The following ATM variants were observed in gnomAD, a reference collection of about 807,000 sequenced individuals.
The protein encoded by ATM is serine-protein kinase ATM.
In ATM, 308 loss-of-function variants were observed where a neutral mutation model predicts 387.0. That is an observed-to-expected ratio of 0.80 (90% CI 0.73 to 0.87). The LOEUF (loss-of-function observed/expected upper bound fraction) is 0.87, where lower values mean the gene tolerates loss of function less well. Ranked by LOEUF, ATM falls within the 40% of genes least tolerant of loss-of-function variation. The pLI is 0.00. For missense variants in ATM, 3,312 were observed against 3,560.9 expected, an observed-to-expected ratio of 0.93 and a Z score of 1.78; for synonymous variants, 1,156 against 1,187.3, an observed-to-expected ratio of 0.97 and a Z score of 0.54.
chr11:108,267,350 C>A lies in ATM; in HGVS notation c.2638+8C>A. The stretch of plus-strand genomic sequence containing the variant: ...AGAGCCAAAGTACCATAGGTAAATA[C>A]ATATTTACTACTTGGGATTTCTTTT... On this transcript the variant is annotated splice_region_variant and intron_variant, in intron 17 of 62. Coordinates refer to ENST00000675843, the MANE Select transcript of ATM (RefSeq NM_000051.4). The A allele has an allele frequency of 6.2e-7, 1 of 1,612,550 alleles. No individual in the cohort carries two copies. The highest frequency in any genetic ancestry group is 1.7e-5 in the Admixed American group (1 of 60,004).
rs878853486 is a variant in ATM at position 108,251,871 on chromosome 11, A to G, written c.1642A>G (p.Thr548Ala). Residue 548 changes from threonine to alanine, a missense_variant, in exon 11 of 63, where the codon ACC becomes GCC. This residue lies in a region of ATM where 1,791 missense variants were observed against 1,804.5 expected (regional missense o/e 0.99). Coordinates refer to ENST00000675843, the MANE Select transcript of ATM (RefSeq NM_000051.4). ...AVCCLTLALT[T>A]SIVPGTVKMG... is the part of the protein sequence containing the mutation. ...ATGCTGTTTGACTTTGGCACTGACC[A>G]CCAGTATAGTTCCAGGAACGGTAAA... is the stretch of plus-strand genomic sequence containing the variant. 3.7e-6 allele frequency: 6 copies of G among 1,613,910 alleles called. No individual in the cohort carries two copies. Among genetic ancestry groups the G allele is most frequent in the Non-Finnish European group, 4.2e-6 (5 of 1,179,842 alleles).
chr11:108,359,266 C>A (rs1244278), intron 61 of ATM, among the ~76,000 whole-genome samples: 10 of 151,430 alleles, frequency 6.6e-5, no homozygotes, highest in South Asian at 2.1e-4. Context: ...TATATATGCA[C>A]CCAATACAGG....
At chr11:108,359,008 A>G (rs1198748467) in intron 61 of ATM, among the ~76,000 whole-genome samples, 1 of 151,604 alleles carries the variant, frequency 6.6e-6, no homozygotes, top group Non-Finnish European at 1.5e-5. Context: ...GGCAAATTGG[A>G]TAAAGAGTCA....
chr11:108,353,540 C>G (rs2089460493), intron 59 of ATM, among the ~76,000 whole-genome samples: 1 of 152,142 alleles, frequency 6.6e-6, no homozygotes, highest in Non-Finnish European at 1.5e-5. Flanking sequence ...CTAGATTTCT[C>G]TAGTTGGGTT....
Position 108,359,815 on chromosome 11 carries a change from A to G in ATM, c.8850+4941A>G, listed in dbSNP as rs1346730507. ...CAAAGCAGTGTGTAGAGGGAAATTT[A>G]TAGCACTAAATGCCCACAAGAGAAA... On this transcript the variant is annotated intron_variant, in intron 61 of 62. Transcript: ENST00000675843. Among the ~76,000 whole-genome samples the G allele has an allele frequency of 4.6e-5, 7 of 152,180 alleles. No homozygotes were observed. In the East Asian group the frequency reaches 1.3e-3, roughly 29 times the overall value.
chr11:108,331,040 A>G lies in ATM; in HGVS notation c.7516-404A>G, dbSNP rs577323891. ...ATAAGACTCATAATAGATACAGTCA[A>G]TCTCTGCTGTAGTATACACTAAATA... is the stretch of plus-strand genomic sequence containing the variant. On this transcript the variant is annotated intron_variant, in intron 50 of 62. Coordinates refer to ENST00000675843, the MANE Select transcript of ATM (RefSeq NM_000051.4). Among the ~76,000 whole-genome samples the G allele has an allele frequency of 2.6e-5, 4 of 152,308 alleles. No individual in the cohort carries two copies. The South Asian group carries it at 8.3e-4, about 32-fold the overall frequency.
chr11:108,235,193 G>A (rs2079204065), intron 4 of ATM, among the ~76,000 whole-genome samples: 1 of 151,888 alleles, frequency 6.6e-6, no homozygotes, highest in Admixed American at 6.6e-5. Flanking sequence ...GCTACTTGGA[G>A]GCTGAGGTGG....
rs55934812 is a variant in ATM at position 108,268,576 on chromosome 11, G to T, written c.2805G>T (p.Thr935=). The T allele has an allele frequency of 6.8e-6, 11 of 1,613,888 alleles. No homozygotes were observed. In the African/African-American group the frequency reaches 1.5e-4, roughly 22 times the overall value. Residue 935 remains threonine (T), a synonymous_variant, in exon 18 of 63, where the codon ACG becomes ACT. Coordinates refer to ENST00000675843, the MANE Select transcript of ATM (RefSeq NM_000051.4). ...RKLLMLIDSS[T]LEPTKSLHLH... ...TGTTAATGTTAATTGATTCTAGCAC[G>T]CTAGAACCTACCAAATCCCTCCACC...
intron 13 of ATM, among the ~76,000 whole-genome samples, chr11:108,255,561 G>A (rs148763173): frequency 1.3e-5 from 2 of 151,502 alleles, no homozygotes; most frequent in African/African-American, 4.9e-5. Context: ...GAGTAGCTGA[G>A]ATTATAGGTG....
intron 61 of ATM, among the ~76,000 whole-genome samples, chr11:108,364,470 C>T (rs369920356): frequency 3.3e-5 from 5 of 152,258 alleles, no homozygotes; most frequent in South Asian, 4.1e-4. Context: ...TAATTCTACA[C>T]CTAATATATA....
At chr11:108,359,033 G>C (rs1220188301) in intron 61 of ATM, among the ~76,000 whole-genome samples, 1 of 150,156 alleles carries the variant, frequency 6.7e-6, no homozygotes, top group Non-Finnish European at 1.5e-5. Context: ...CCATCAGTGT[G>C]CTGTATTCAG....
At chr11:108,265,613 A>C (rs1386183485) in intron 16 of ATM, among the ~76,000 whole-genome samples, 29 of 150,066 alleles carry the variant, frequency 1.9e-4, no homozygotes, top group African/African-American at 7.2e-4. Flanking sequence ...CAATGGCAAC[A>C]AAAGACAGAA....
At chr11:108,247,396 G>A (rs961257732) in intron 8 of ATM, among the ~76,000 whole-genome samples, 11 of 152,046 alleles carry the variant, frequency 7.2e-5, no homozygotes, top group Admixed American at 2.0e-4. Context: ...TAACCCTAAT[G>A]ATTCGATTCG....
intron 25 of ATM, among the ~76,000 whole-genome samples, chr11:108,283,824 G>A (rs1386405445): frequency 6.6e-6 from 1 of 152,030 alleles, no homozygotes; most frequent in African/African-American, 2.4e-5. Context: ...ATCTGCATTT[G>A]GTTGAAAAAT....
rs1555119149 is a variant in ATM, at chr11:108,325,436, C to T, written c.6699C>T (p.Ile2233=). The part of the protein sequence containing the change: ...IMALRTVILE[I]LMEKEMDNSQ... Reference sequence around the variant, plus strand: ...CTCTACGCACAGTCATTTTGGAGATCCTGATGGAAAAGGAAATGGACAACT... The same window carrying T: ...CTCTACGCACAGTCATTTTGGAGATTCTGATGGAAAAGGAAATGGACAACT... The change falls in exon 46 of 63, where the codon ATC becomes ATT. Residue 2233 remains isoleucine (I), a synonymous_variant. Coordinates refer to ENST00000675843, the MANE Select transcript of ATM (RefSeq NM_000051.4). The T allele has an allele frequency of 6.2e-7, 1 of 1,613,522 alleles. No individual in the cohort carries two copies. The highest frequency in any genetic ancestry group is 8.5e-7 in the Non-Finnish European group (1 of 1,179,790).
intron 5 of ATM, among the ~76,000 whole-genome samples, chr11:108,241,738 C>CTTTTTTT (rs1235260816): frequency 3.7e-5 from 3 of 82,098 alleles, no homozygotes; most frequent in Non-Finnish European, 4.9e-5. Flanking sequence ...GTCTTTCTTT[C>CTTTTTTT]TTTCTTTTTT....
chr11:108,275,173 T>G (rs1398730567), intron 22 of ATM, among the ~76,000 whole-genome samples: 1 of 152,234 alleles, frequency 6.6e-6, no homozygotes, highest in Admixed American at 6.5e-5. Flanking sequence ...TATCAGAGAC[T>G]AGGATTGCAA....
At chr11:108,298,870 T>C (rs968924561) in intron 33 of ATM, among the ~76,000 whole-genome samples, 13 of 152,184 alleles carry the variant, frequency 8.5e-5, no homozygotes, top group African/African-American at 2.7e-4. Context: ...AACACATAAT[T>C]AGTGGTGTTT....
chr11:108,299,307 C>A (rs4988027), intron 33 of ATM, among the ~76,000 whole-genome samples: 1 of 124,450 alleles, frequency 8.0e-6, no homozygotes, highest in East Asian at 2.2e-4. Context: ...AAGGTTGATT[C>A]TCTCTCTCTT....
Sources: gnomAD v4.1 joint callset for allele counts (sites outside exome capture counted in the v4.1 genomes callset) on GRCh38, gnomAD v4.1.1 for gene constraint, gnomAD v4.1.1 regional missense constraint, MANE v1.5 for transcripts, NCBI Gene and HGNC (gene_info 2026-07-23, HGNC 2026-07-21) for gene names.